The following TRIM44 variants were observed in gnomAD, a reference collection of about 807,000 sequenced individuals.
TRIM44 encodes the protein tripartite motif-containing protein 44.
A neutral mutation model predicts 37.4 loss-of-function variants in TRIM44; 13 were observed. The observed-to-expected ratio is 0.35, with a 90% CI of 0.23 to 0.55. The LOEUF is 0.55. TRIM44 is among the 20% of genes least tolerant of loss of function. The pLI, the probability that TRIM44 is intolerant of heterozygous loss-of-function variation, is 0.89. For synonymous variants in TRIM44, 175 were observed against 157.2 expected (o/e 1.11, Z -0.85); for missense variants, 426 against 437.2 (o/e 0.97, Z 0.23).
chr11:35,791,661 G>C (rs1320516586), intron 4 of TRIM44, among the ~76,000 whole-genome samples: 1 of 152,088 alleles, frequency 6.6e-6, no homozygotes, highest in Non-Finnish European at 1.5e-5. Context: ...TGTTCAAGCT[G>C]TTCCCTCCAC....
At chr11:35,805,957 T>C (rs1414272321) in intron 4 of TRIM44, among the ~76,000 whole-genome samples, 1 of 152,196 alleles carries the variant, frequency 6.6e-6, no homozygotes, top group Admixed American at 6.5e-5. Flanking sequence ...TTTTCTCTCC[T>C]AACAGTAGAT....
intron 1 of TRIM44, among the ~76,000 whole-genome samples, chr11:35,679,737 A>G (rs1851503532): frequency 6.6e-6 from 1 of 152,218 alleles, no homozygotes; most frequent in Admixed American, 6.5e-5. Context: ...GCTAGCAACT[A>G]ACTTAAAACT....
intron 4 of TRIM44, among the ~76,000 whole-genome samples, chr11:35,783,648 C>T (rs1287289): frequency 0.016 from 2,363 of 152,184 alleles, 22 homozygotes; most frequent in Non-Finnish European, 0.024. Context: ...AAATTAGGGA[C>T]GCCTTGTGTG....
intron 2 of TRIM44, among the ~76,000 whole-genome samples, chr11:35,708,370 TA>T (rs1353383513): frequency 1.3e-5 from 2 of 151,730 alleles, no homozygotes; most frequent in Non-Finnish European, 2.9e-5. Flanking sequence ...CTCAGGGATC[TA>T]GAACTAGAAA....
Position 35,726,068 on chromosome 11 carries a change from G to A in TRIM44, c.892G>A (p.Asp298Asn), listed in dbSNP as rs1030460406. ...AGCTCATGTGACTGAGATACTGGCA[G>A]ACATCCAATCCCACATGGATAGGTT... is the stretch of plus-strand genomic sequence containing the variant. ...ATAHVTEILA[D>N]IQSHMDRLMT... Residue 298 changes from aspartate (D) to asparagine (N), a missense_variant, in exon 3 of 5, where the codon GAC becomes AAC. This residue lies in a region of TRIM44 where 95 missense variants were observed against 134.2 expected (regional missense o/e 0.71). Coordinates refer to ENST00000299413, the MANE Select transcript of TRIM44 (RefSeq NM_017583.6). The A allele has an allele frequency of 6.2e-7, 1 of 1,614,114 alleles. No individual in the cohort carries two copies. Among genetic ancestry groups the A allele is most frequent in the Non-Finnish European group, 8.5e-7 (1 of 1,180,014 alleles).
At chr11:35,787,855 C>G (rs566708648) in intron 4 of TRIM44, among the ~76,000 whole-genome samples, 1 of 152,336 alleles carries the variant, frequency 6.6e-6, no homozygotes, top group African/African-American at 2.4e-5. Context: ...GCTAGGACTT[C>G]ATAATGAGGC....
chr11:35,794,707 T>C (rs1327034521), intron 4 of TRIM44, among the ~76,000 whole-genome samples: 1 of 152,232 alleles, frequency 6.6e-6, no homozygotes, highest in Non-Finnish European at 1.5e-5. Flanking sequence ...TCCTAGGCAG[T>C]GTCTCCATGA....
rs1306959168 is a variant in TRIM44 at position 35,816,527 on chromosome 11, G to A, written c.*10142G>A. The A allele has an allele frequency of 6.6e-6, 1 of 152,194 alleles. No individual in the cohort carries two copies. The highest frequency in any genetic ancestry group is 2.4e-5 in the African/African-American group (1 of 41,448). The allele number at this position is 152,194 out of a possible 1,614,324, so 9.4% of individuals were successfully genotyped here. A position where few individuals can be genotyped will look rare whatever the true frequency, so the allele number is the denominator to read the frequency against. ...ATTGGGGAACAGAAGGGTCTCTAGAGGGTAGACCTAAGAGTAATGGAATGG... is the reference window on the plus strand; with the variant it reads ...ATTGGGGAACAGAAGGGTCTCTAGAAGGTAGACCTAAGAGTAATGGAATGG... On this transcript the variant is annotated 3_prime_UTR_variant, in exon 5 of 5. Transcript: ENST00000299413.
chr11:35,766,731 C>G lies in TRIM44; in HGVS notation c.1007+31286C>G, dbSNP rs188328835. Among the ~76,000 whole-genome samples, 77 of 152,330 alleles carry G rather than the reference C, an allele frequency of 5.1e-4. 1 individual carries two copies. The highest frequency in any genetic ancestry group is 1.8e-3 in the African/African-American group (75 of 41,576). On this transcript the variant is annotated intron_variant, in intron 4 of 4. Coordinates refer to ENST00000299413, the MANE Select transcript of TRIM44 (RefSeq NM_017583.6). Reference sequence around the variant, plus strand: ...GTCACTGGATTTATTAGTTCCATCTCTTACTAATTCAGTGACCATGAATAA... The same window carrying G: ...GTCACTGGATTTATTAGTTCCATCTGTTACTAATTCAGTGACCATGAATAA...
At chr11:35,708,662 C>G (rs1157584389) in intron 2 of TRIM44, among the ~76,000 whole-genome samples, 3 of 151,318 alleles carry the variant, frequency 2.0e-5, no homozygotes, top group Non-Finnish European at 4.4e-5. Context: ...ATCGTAAGAA[C>G]AAAAAACCAA....
rs931161775 is a variant in TRIM44 at position 35,806,597 on chromosome 11, A to G, written c.*212A>G. On this transcript the variant is annotated 3_prime_UTR_variant, in exon 5 of 5. Coordinates refer to ENST00000299413, the MANE Select transcript of TRIM44 (RefSeq NM_017583.6). ...TCTCATCCCCTGGTTGTGGTAGGTC[A>G]AGGAAAAGAGCCCCTTTGATCCACC... 5.3e-5 allele frequency: 30 copies of G among 565,140 alleles called. 1 individual carries two copies. Among genetic ancestry groups the G allele is most frequent in the Middle Eastern group, 4.8e-4 (1 of 2,078 alleles). The allele number at this position is 565,140 out of a possible 1,614,324, so 35.0% of individuals were successfully genotyped here.
rs767922326 is a variant in TRIM44 at position 35,811,789 on chromosome 11, A to G, written c.*5404A>G. On this transcript the variant is annotated 3_prime_UTR_variant, in exon 5 of 5. Coordinates refer to ENST00000299413, the MANE Select transcript of TRIM44 (RefSeq NM_017583.6). Reference sequence around the variant, plus strand: ...TCTCCTCTAAATTTTCTTTTAACACATTTATCTTCATCAGACCCTTTTAGT... The same window carrying G: ...TCTCCTCTAAATTTTCTTTTAACACGTTTATCTTCATCAGACCCTTTTAGT... The G allele has an allele frequency of 6.6e-6, 1 of 152,212 alleles. No individual in the cohort carries two copies. The highest frequency in any genetic ancestry group is 1.5e-5 in the Non-Finnish European group (1 of 68,032). The allele number at this position is 152,212 out of a possible 1,614,324, so 9.4% of individuals were successfully genotyped here.
At chr11:35,690,383 A>T (rs1215216049) in intron 2 of TRIM44, among the ~76,000 whole-genome samples, 1 of 152,260 alleles carries the variant, frequency 6.6e-6, no homozygotes, top group Non-Finnish European at 1.5e-5. Context: ...CTTGTCAAAA[A>T]ATACAAATTT....
intron 2 of TRIM44, among the ~76,000 whole-genome samples, chr11:35,701,101 A>G (rs902991147): frequency 4.6e-5 from 7 of 152,168 alleles, no homozygotes; most frequent in Non-Finnish European, 8.8e-5. Flanking sequence ...CTAAGGCCTA[A>G]TATAATAAGC....
intron 4 of TRIM44, among the ~76,000 whole-genome samples, chr11:35,781,925 G>A (rs1853070633): frequency 2.0e-5 from 3 of 152,158 alleles, no homozygotes; most frequent in African/African-American, 7.2e-5. Flanking sequence ...GAATGATAAG[G>A]CCACATAGGC....
At chr11:35,735,902 T>C (rs2135521047) in intron 4 of TRIM44, among the ~76,000 whole-genome samples, 1 of 152,184 alleles carries the variant, frequency 6.6e-6, no homozygotes, top group Admixed American at 6.5e-5. Flanking sequence ...AATCCTAGGG[T>C]ACAGGTATAC....
Position 35,810,918 on chromosome 11 carries a change from C to G in TRIM44, c.*4533C>G, listed in dbSNP as rs544696943. 2 of 152,150 alleles carry G rather than the reference C, an allele frequency of 1.3e-5. No homozygotes were observed. The highest frequency in any genetic ancestry group is 1.3e-4 in the Admixed American group (2 of 15,270). The allele number at this position is 152,150 out of a possible 1,614,324, so 9.4% of individuals were successfully genotyped here. A position where few individuals can be genotyped will look rare whatever the true frequency, so the allele number is the denominator to read the frequency against. ...CACTGAATCTTTCAAGGGAATTACA[C>G]GTTTGGGTTAATGTTTCAGTATATC... On this transcript the variant is annotated 3_prime_UTR_variant, in exon 5 of 5. Transcript: ENST00000299413.
At chr11:35,735,962 AC>A (rs1300621224) in intron 4 of TRIM44, among the ~76,000 whole-genome samples, 1 of 152,128 alleles carries the variant, frequency 6.6e-6, no homozygotes, top group Non-Finnish European at 1.5e-5. Flanking sequence ...CTGTATTGCC[AC>A]AGTTGAATGC....
At chr11:35,776,407 A>G (rs1305622840) in intron 4 of TRIM44, among the ~76,000 whole-genome samples, 1 of 152,184 alleles carries the variant, frequency 6.6e-6, no homozygotes, top group Non-Finnish European at 1.5e-5. Context: ...TCAAAAAACC[A>G]GCTCCTGGAT....
Sources: gnomAD v4.1 joint callset for allele counts (sites outside exome capture counted in the v4.1 genomes callset) on GRCh38, gnomAD v4.1.1 for gene constraint, gnomAD v4.1.1 regional missense constraint, MANE v1.5 for transcripts, NCBI Gene and HGNC (gene_info 2026-07-23, HGNC 2026-07-21) for gene names.